KCNMA1: variants seen among roughly 807,000 people sequenced by gnomAD.
KCNMA1 encodes Calcium-activated potassium channel subunit alpha-1.
Under a neutral mutation model 140.0 loss-of-function variants are expected in KCNMA1, and 29 were observed. The ratio of observed to expected loss-of-function variants is 0.21; its 90% confidence interval spans 0.15 to 0.28. The LOEUF is 0.28. Among genes scored for constraint, KCNMA1 ranks in the 10% least tolerant of loss-of-function variants. The pLI is 1.00. For synonymous variants in KCNMA1, 612 were observed against 611.9 expected (o/e 1.00, Z 0.00); for missense variants, 880 against 1,602.2 (o/e 0.55, Z 7.70).
chr10:77,542,733 T>C (rs1240697416), intron 1 of KCNMA1, among the ~76,000 whole-genome samples: 1 of 152,152 alleles, frequency 6.6e-6, no homozygotes, highest in Non-Finnish European at 1.5e-5. Context: ...ACACTCATAC[T>C]ATCAACATCT....
At chr10:76,977,523 T>A (rs751312290) in intron 19 of KCNMA1, 1 of 702,822 alleles carries the variant, frequency 1.4e-6, no homozygotes. Context: ...TTGCAAAGAC[T>A]AAGATATTAA....
intron 5 of KCNMA1, among the ~76,000 whole-genome samples, chr10:77,145,908 A>C (rs553077883): frequency 6.6e-6 from 1 of 152,314 alleles, no homozygotes; most frequent in Non-Finnish European, 1.5e-5. Flanking sequence ...AGTTTCCCCA[A>C]CTATAAAATG....
chr10:77,363,933 T>C (rs2094169220), intron 2 of KCNMA1, among the ~76,000 whole-genome samples: 1 of 152,152 alleles, frequency 6.6e-6, no homozygotes, highest in African/African-American at 2.4e-5. Flanking sequence ...GACGATATGT[T>C]TTTGTGTTTA....
At chr10:77,153,798 CA>C (rs1392056298) in intron 5 of KCNMA1, among the ~76,000 whole-genome samples, 4 of 152,272 alleles carry the variant, frequency 2.6e-5, no homozygotes, top group Admixed American at 2.6e-4. Context: ...CTGGAGTTTA[CA>C]GGTGTTGCAC....
At chr10:77,291,750 C>T (rs534295724) in intron 2 of KCNMA1, among the ~76,000 whole-genome samples, 2 of 152,306 alleles carry the variant, frequency 1.3e-5, no homozygotes, top group East Asian at 1.9e-4. Flanking sequence ...AAGGAGTGAA[C>T]ATTTTCAAGT....
At chr10:76,997,913 A>G (rs748386403) in intron 19 of KCNMA1, among the ~76,000 whole-genome samples, 1 of 152,214 alleles carries the variant, frequency 6.6e-6, no homozygotes, top group Non-Finnish European at 1.5e-5. Flanking sequence ...CATATTGAAC[A>G]TTTCAGTCTT....
chr10:77,195,075 A>AT (rs1025574781), intron 3 of KCNMA1, among the ~76,000 whole-genome samples: 22 of 151,996 alleles, frequency 1.4e-4, no homozygotes, highest in Middle Eastern at 3.4e-3. Flanking sequence ...GTTGTTGAGG[A>AT]TTTTTTTTAA....
rs528151129 is a variant in KCNMA1, at chr10:77,170,593, G to C, written c.808+12828C>G. ...GCTCCATCCCTGGGAGAACATCGGA[G>C]GTGAGACTCTAGGGATGAGTTAGAA... On this transcript the variant is annotated intron_variant, in intron 5 of 27. Transcript: ENST00000286628. 2.6e-5 allele frequency among the ~76,000 whole-genome samples: 4 copies of C among 152,218 alleles called. No individual in the cohort carries two copies. In the South Asian group the frequency reaches 8.3e-4, roughly 32 times the overall value.
At chr10:77,355,170 T>G (rs2093361422) in intron 2 of KCNMA1, 1 of 156,662 alleles carries the variant, frequency 6.4e-6, no homozygotes, top group Non-Finnish European at 1.4e-5. Context: ...TGCTGTCAGG[T>G]AAAGAAGTGC....
At chr10:77,399,457 T>G (rs919277362) in intron 2 of KCNMA1, among the ~76,000 whole-genome samples, 2 of 152,096 alleles carry the variant, frequency 1.3e-5, no homozygotes, top group African/African-American at 4.8e-5. Context: ...AAGAAAAAAA[T>G]AAAAGGAAGC....
chr10:77,112,721 T>C (rs1269654095), intron 6 of KCNMA1, among the ~76,000 whole-genome samples: 1 of 152,182 alleles, frequency 6.6e-6, no homozygotes, highest in Non-Finnish European at 1.5e-5. Context: ...TAATGAACAC[T>C]TGTACGCTCT....
chr10:77,243,884 A>G (rs1044902662), intron 3 of KCNMA1, among the ~76,000 whole-genome samples: 1 of 152,192 alleles, frequency 6.6e-6, no homozygotes, highest in African/African-American at 2.4e-5. Flanking sequence ...TAGGAGGGTC[A>G]TAAAATCAAG....
At chr10:77,164,216 C>G (rs1170830530) in intron 5 of KCNMA1, among the ~76,000 whole-genome samples, 1 of 152,162 alleles carries the variant, frequency 6.6e-6, no homozygotes, top group South Asian at 2.1e-4. Context: ...CAAGGCAAGG[C>G]GGCCAGCCCC....
rs948246282 is a variant in KCNMA1, at chr10:77,298,226, C to T, written c.541-46970G>A. ...AAGGCTACCTGAACCTTCAGAAATA[C>T]CTGGGGAGCTTATTTTATTTATTTA... On this transcript the variant is annotated intron_variant, in intron 2 of 27. Coordinates refer to ENST00000286628, the MANE Select transcript of KCNMA1 (RefSeq NM_001161352.2). Among the ~76,000 whole-genome samples the T allele has an allele frequency of 4.6e-5, 7 of 152,062 alleles. No homozygotes were observed. In the South Asian group the frequency reaches 1.5e-3, roughly 32 times the overall value.
At chr10:77,570,138 G>C (rs1326925461) in intron 1 of KCNMA1, among the ~76,000 whole-genome samples, 1 of 151,796 alleles carries the variant, frequency 6.6e-6, no homozygotes, top group Non-Finnish European at 1.5e-5. Flanking sequence ...CACTGTTGGT[G>C]GGACTGTAAA....
At chr10:77,012,529 C>G in intron 17 of KCNMA1, 1 of 1,550,172 alleles carries the variant, frequency 6.5e-7, no homozygotes, top group Non-Finnish European at 8.7e-7. Context: ...CTTTTCTGGG[C>G]AGCCAAAGGG....
chr10:76,884,833 CA>C, downstream of KCNMA1: 1 of 1,155,380 alleles, frequency 8.7e-7, no homozygotes, highest in Admixed American at 3.5e-5. Flanking sequence ...AATAAAACCA[CA>C]AACAGAACAA....
At chr10:77,048,630 A>G (rs1258239039) in intron 14 of KCNMA1, among the ~76,000 whole-genome samples, 1 of 152,236 alleles carries the variant, frequency 6.6e-6, no homozygotes, top group Non-Finnish European at 1.5e-5. Flanking sequence ...AATGAATGAA[A>G]TAAACTTGGG....
intron 19 of KCNMA1, among the ~76,000 whole-genome samples, chr10:76,982,463 A>T (rs1001902515): frequency 2.0e-5 from 3 of 151,956 alleles, no homozygotes; most frequent in Non-Finnish European, 4.4e-5. Context: ...GATGCTGAAC[A>T]GACTAAGGAG....
Sources: allele counts gnomAD v4.1 joint callset (sites outside exome capture counted in the v4.1 genomes callset), GRCh38; gene constraint gnomAD v4.1.1; transcripts MANE v1.5; gene names NCBI Gene and HGNC (gene_info 2026-07-23, HGNC 2026-07-21).